The following SYNE1 variants were observed in gnomAD, a reference collection of about 807,000 sequenced individuals.
SYNE1 encodes the protein spectrin repeat containing nuclear envelope protein 1.
A neutral mutation model predicts 1,111.0 loss-of-function variants in SYNE1; 616 were observed. The observed-to-expected ratio is 0.55, with a 90% CI of 0.52 to 0.59. The LOEUF is 0.59. Among genes scored for constraint, SYNE1 ranks in the 20% least tolerant of loss-of-function variants. The pLI is 0.00. For missense variants in SYNE1, 10,006 were observed against 10,417.0 expected (o/e 0.96, Z 1.72); for synonymous variants, 3,855 against 3,825.8 (o/e 1.01, Z -0.28).
chr6:152,476,646 A>G (rs1407167580), intron 14 of SYNE1, among the ~76,000 whole-genome samples: 1 of 152,160 alleles, frequency 6.6e-6, no homozygotes. Flanking sequence ...GGGTGGGCAG[A>G]TCACTTGCAC....
chr6:152,310,331 C>G, intron 89 of SYNE1, 65 bp downstream of exon 89: 1 of 1,603,624 alleles, frequency 6.2e-7, no homozygotes, highest in Admixed American at 1.7e-5. Context: ...AGGCATTTTT[C>G]CTTACTATCC....
At chr6:152,421,667 C>CTTATT (rs2098261932) in intron 39 of SYNE1, among the ~76,000 whole-genome samples, 1 of 147,612 alleles carries the variant, frequency 6.8e-6, no homozygotes, top group Non-Finnish European at 1.5e-5. Flanking sequence ...TTCCATTTTC[C>CTTATT]TTATTTTATT....
intron 33 of SYNE1, 96 bp downstream of exon 33, chr6:152,435,845 T>G: frequency 4.6e-5 from 66 of 1,447,370 alleles, no homozygotes; most frequent in Non-Finnish European, 5.8e-5. Context: ...ACAGACACTT[T>G]GAGATTTTAA....
At chr6:152,211,700 A>G (rs925806471) in intron 123 of SYNE1, 112 bp from the exon 124 acceptor site, 3 of 823,938 alleles carry the variant, frequency 3.6e-6, no homozygotes, top group Non-Finnish European at 5.9e-6. Context: ...AGCTATCACC[A>G]GCTGAACCAG....
chr6:152,247,472 T>G (rs1371934734), intron 105 of SYNE1, among the ~76,000 whole-genome samples: 1 of 152,026 alleles, frequency 6.6e-6, no homozygotes, highest in Non-Finnish European at 1.5e-5. Context: ...CAGTCTTTTT[T>G]GGAATCACAC....
Position 152,138,512 on chromosome 6 carries a change from AAAATAAATAAATAAATAAAT to A in SYNE1, c.25458+1418_25458+1437del, listed in dbSNP as rs200341649. Among the ~76,000 whole-genome samples, 578 of 141,846 alleles carry A rather than the reference AAAATAAATAAATAAATAAAT, an allele frequency of 4.1e-3. 2 individuals are homozygous for A. Among genetic ancestry groups the A allele is most frequent in the Middle Eastern group, 7.1e-3 (2 of 280 alleles). 93.1% of individuals were successfully genotyped at this position (141,846 alleles called of 152,430 possible). The stretch of plus-strand genomic sequence containing the variant: ...GGTGATAGAGTGAGACTCTGTCTCA[AAAATAAATAAATAAATAAAT>A]AAATAAATAAATAAATAAATAAATA... On this transcript the variant is annotated intron_variant, in intron 140 of 145. Coordinates refer to ENST00000367255, the MANE Select transcript of SYNE1 (RefSeq NM_182961.4).
At chr6:152,153,863 T>C (rs1021336656) in intron 133 of SYNE1, among the ~76,000 whole-genome samples, 66 of 152,358 alleles carry the variant, frequency 4.3e-4, no homozygotes, top group African/African-American at 1.6e-3. Context: ...CATATAGCTG[T>C]CCATGTACAA....
At chr6:152,253,766 C>T (rs1198708648) in intron 104 of SYNE1, among the ~76,000 whole-genome samples, 7 of 134,372 alleles carry the variant, frequency 5.2e-5, no homozygotes, top group Non-Finnish European at 9.3e-5. Flanking sequence ...ATTTGTGCCT[C>T]GTGAAAATTC....
At chr6:152,546,976 GA>G (rs151128949) in intron 3 of SYNE1, 2,206 of 151,878 alleles carry the variant, frequency 0.015, 47 homozygotes, top group African/African-American at 0.05. Flanking sequence ...GAAAAGAAAA[GA>G]AAAAAAGTCA....
rs2096754578 is a variant in SYNE1, at chr6:152,352,306, G to T, written c.11301C>A (p.Ala3767=). ...TAACAGCCCTCTCTCCTTTCTCCCG[G>T]GCTGATTTCAGCAAACTGTGACCTT... ...MEKGHSLLKS[A]REKGERAVKY... The change falls in exon 70 of 146, where the codon GCC becomes GCA. Residue 3767 remains alanine (A), a synonymous_variant. Transcript: ENST00000367255. The T allele has an allele frequency of 6.2e-7, 1 of 1,613,832 alleles. No individual in the cohort carries two copies. Among genetic ancestry groups the T allele is most frequent in the Non-Finnish European group, 8.5e-7 (1 of 1,180,012 alleles).
chr6:152,238,991 C>T (rs1272732451), intron 108 of SYNE1, among the ~76,000 whole-genome samples: 3 of 151,714 alleles, frequency 2.0e-5, no homozygotes, highest in East Asian at 1.9e-4. Context: ...CACTGCCTCC[C>T]GGTTCAAGTG....
At chr6:152,256,195 C>T (rs1192473505) in intron 102 of SYNE1, among the ~76,000 whole-genome samples, 6 of 151,796 alleles carry the variant, frequency 4.0e-5, no homozygotes, top group South Asian at 4.2e-4. Context: ...CTGAGGCGGG[C>T]GGATCACGAG....
intron 104 of SYNE1, among the ~76,000 whole-genome samples, chr6:152,250,740 G>A (rs1408588863): frequency 2.0e-5 from 3 of 152,248 alleles, no homozygotes; most frequent in South Asian, 2.1e-4. Flanking sequence ...GTAAGGTCAC[G>A]TGGGCCATTA....
At chr6:152,224,801 G>A in intron 116 of SYNE1, 137 bp from the exon 117 acceptor site, 1 of 899,586 alleles carries the variant, frequency 1.1e-6, no homozygotes, top group Admixed American at 2.6e-5. Context: ...AAACTAAAAA[G>A]AAAAAGATTT....
chr6:152,153,342 C>G (rs2060782791), intron 133 of SYNE1, among the ~76,000 whole-genome samples: 1 of 152,184 alleles, frequency 6.6e-6, no homozygotes, highest in Non-Finnish European at 1.5e-5. Flanking sequence ...GCAGATACCC[C>G]AGCACACCCA....
chr6:152,166,316 C>T (rs2063648219), intron 130 of SYNE1, among the ~76,000 whole-genome samples: 1 of 152,188 alleles, frequency 6.6e-6, no homozygotes. Context: ...GGTTGCTAAA[C>T]ATTAATAATG....
In SYNE1 at chr6:152,331,819, T is replaced by C. The variant is rs963950053; in HGVS notation, c.12866A>G (p.Lys4289Arg). ...KKLALALQERKYAIEDLKDQK... is the reference protein window; with the variant it reads ...KKLALALQERRYAIEDLKDQK... ...ATCTTTCAGATCTTCAATAGCATAC[T>C]TTCTCTCCTGCAATGCCAATGCTAA... Residue 4289 changes from lysine (K) to arginine (R), a missense_variant, in exon 78 of 146, where the codon AAG (lysine) becomes AGG (arginine). By Grantham distance (26) the Lys-to-Arg change is conservative (BLOSUM62 2). Coordinates refer to ENST00000367255, the MANE Select transcript of SYNE1 (RefSeq NM_182961.4). 14 of 1,614,184 alleles carry C rather than the reference T, an allele frequency of 8.7e-6. No individual in the cohort carries two copies. Among genetic ancestry groups the C allele is most frequent in the Non-Finnish European group, 1.2e-5 (14 of 1,180,046 alleles).
At chr6:152,210,761 C>T (rs187183507) in intron 124 of SYNE1, among the ~76,000 whole-genome samples, 232 of 152,134 alleles carry the variant, frequency 1.5e-3, no homozygotes, top group Non-Finnish European at 2.5e-3. Context: ...AAATATTGTT[C>T]CTAGGAAATG....
At chr6:152,405,589 A>G (rs1262521045) in intron 45 of SYNE1, among the ~76,000 whole-genome samples, 1 of 152,228 alleles carries the variant, frequency 6.6e-6, no homozygotes, top group Non-Finnish European at 1.5e-5. Context: ...TTTAGTTACA[A>G]TTTAAGTTTT....
Sources: allele counts gnomAD v4.1 joint callset (sites outside exome capture counted in the v4.1 genomes callset), GRCh38; gene constraint gnomAD v4.1.1; transcripts MANE v1.5; gene names NCBI Gene and HGNC (gene_info 2026-07-23, HGNC 2026-07-21).